Variants in ABCA7 observed in about 807,000 individuals in gnomAD.
The protein encoded by ABCA7 is phospholipid-transporting ATPase ABCA7.
In ABCA7, 261 loss-of-function variants were observed where a neutral mutation model predicts 227.6. That is an observed-to-expected ratio of 1.15 (90% confidence interval 1.04 to 1.27). The LOEUF is 1.27. Ranked by LOEUF, ABCA7 falls within the 50% of genes most tolerant of loss-of-function variation. The pLI, the probability that ABCA7 is intolerant of heterozygous loss-of-function variation, is 0.00. For missense variants in ABCA7, 3,331 were observed against 2,924.5 expected, an observed-to-expected ratio of 1.14 and a Z score of -3.21; for synonymous variants, 1,488 against 1,279.7, an observed-to-expected ratio of 1.16 and a Z score of -3.47.
At position 1,058,184 on chromosome 19, in the gene ABCA7, C is replaced by A. The variant is rs1372287065; in HGVS notation, c.5064C>A (p.Phe1688Leu). The A allele has an allele frequency of 1.9e-6, 3 of 1,613,642 alleles. No individual in the cohort carries two copies. Among genetic ancestry groups the A allele is most frequent in the Non-Finnish European group, 2.5e-6 (3 of 1,179,960 alleles). Residue 1688 changes from phenylalanine (F) to leucine (L), a missense_variant, in exon 37 of 47, where the codon TTC becomes TTA. Phe to Leu is a conservative substitution (Grantham distance 22). Coordinates refer to ENST00000263094, the MANE Select transcript of ABCA7 (RefSeq NM_019112.4). Reference protein sequence around the residue: ...QEVSRILKQVFLIFPHFCLGR... With the variant: ...QEVSRILKQVLLIFPHFCLGR... ...TGAGCCGGATCTTGAAACAGGTCTTCCTTATCTTCCCCCACTTCTGCTTGG... is the reference window on the plus strand; with the variant it reads ...TGAGCCGGATCTTGAAACAGGTCTTACTTATCTTCCCCCACTTCTGCTTGG...
chr19:1,049,936 A>G (rs35528332), intron 18 of ABCA7, among the ~76,000 whole-genome samples: 999 of 9,096 alleles, frequency 0.11, 176 homozygotes, highest in Middle Eastern at 0.38. Context: ...TTCCCCCACC[A>G]CTCCCTCCCT....
At chr19:1,045,258 TGAG>T (rs1568255012) in intron 12 of ABCA7, 27 bp downstream of exon 12, 1 of 1,269,640 alleles carries the variant, frequency 7.9e-7, no homozygotes, top group Non-Finnish European at 1.1e-6. Context: ...GGCGGGGGGA[TGAG>T]GGACTGGGCG....
chr19:1,053,629 G>A, intron 24 of ABCA7, 98 bp downstream of exon 24: 2 of 1,514,822 alleles, frequency 1.3e-6, no homozygotes, highest in Non-Finnish European at 1.8e-6. Flanking sequence ...GAGCAGCAAG[G>A]ACATTCAGGG....
At position 1,052,034 on chromosome 19, in the gene ABCA7, T is replaced by G. The variant is rs545721771; in HGVS notation, c.3055T>G (p.Cys1019Gly). The G allele has an allele frequency of 1.2e-6, 2 of 1,612,324 alleles. No homozygotes were observed. The highest frequency in any genetic ancestry group is 4.5e-5 in the East Asian group (2 of 44,860). The change falls in exon 22 of 47, where the codon TGT becomes GGT. Residue 1019 changes from cysteine to glycine, a missense_variant. Coordinates refer to ENST00000263094, the MANE Select transcript of ABCA7 (RefSeq NM_019112.4). Reference protein sequence around the residue: ...AVVAGGRLCCCGSPLFLRRHL... With the variant: ...AVVAGGRLCCGGSPLFLRRHL... ...GGTGGCAGGTGGCCGCTTGTGCTGC[T>G]GTGGCTCCCCACTCTTCCTGCGCCG...
chr19:1,047,304 T>C lies in ABCA7; in HGVS notation c.1993T>C (p.Phe665Leu), dbSNP rs769116969. 6.2e-7 allele frequency: 1 copy of C among 1,604,502 alleles called. No individual in the cohort carries two copies. The highest frequency in any genetic ancestry group is 8.5e-7 in the Non-Finnish European group (1 of 1,179,022). ...TGCGGCCTGCGGCGGCCTGGCCTAC[T>C]TCTCCCTCTACCTGCCCTACGTGCT... is the stretch of plus-strand genomic sequence containing the variant. The part of the protein sequence containing the change: ...LAAACGGLAY[F>L]SLYLPYVLCV... Residue 665 changes from phenylalanine (F) to leucine (L), a missense_variant, in exon 15 of 47, where the codon TTC becomes CTC. Physicochemically the swap from Phe to Leu is conservative, Grantham distance 22. Transcript: ENST00000263094.
At position 1,044,986 on chromosome 19, in the gene ABCA7, C is replaced by G. The variant is rs368842046; in HGVS notation, c.1216-16C>G. 14 of 1,611,268 alleles carry G rather than the reference C, an allele frequency of 8.7e-6. No individual in the cohort carries two copies. In the African/African-American group the frequency reaches 1.7e-4, roughly 20 times the overall value. ...GGCGGACCCCAGCGCCTAGGACTCA[C>G]CCCCGCATCCCACAGTGCCTGTCCT... On this transcript the variant is annotated splice_polypyrimidine_tract_variant and intron_variant, in intron 11 of 46. Transcript: ENST00000263094.
rs762778391 is a variant in ABCA7 at position 1,049,326 on chromosome 19, A to C, written c.2441A>C (p.Lys814Thr). 8 of 1,611,592 alleles carry C rather than the reference A, an allele frequency of 5.0e-6. No homozygotes were observed. The highest frequency in any genetic ancestry group is 6.8e-6 in the Non-Finnish European group (8 of 1,179,214). ...GGCGTCTCCGTTCGCAGCCTGGAGAAGCGCTTTCCTGGAAGCCCGCAGCCA... is the reference window on the plus strand; with the variant it reads ...GGCGTCTCCGTTCGCAGCCTGGAGACGCGCTTTCCTGGAAGCCCGCAGCCA... ...SPGVSVRSLEKRFPGSPQPAL... is the reference protein window; with the variant it reads ...SPGVSVRSLETRFPGSPQPAL... The change falls in exon 18 of 47, where the codon AAG becomes ACG. Residue 814 changes from lysine (K) to threonine (T), a missense_variant. By Grantham distance (78) the Lys-to-Thr change is moderately conservative. Coordinates refer to ENST00000263094, the MANE Select transcript of ABCA7 (RefSeq NM_019112.4).
At chr19:1,060,090 A>C (rs2042555497) in intron 40 of ABCA7, among the ~76,000 whole-genome samples, 1 of 152,094 alleles carries the variant, frequency 6.6e-6, no homozygotes, top group African/African-American at 2.4e-5. Flanking sequence ...GTTCACATTC[A>C]AGCACCTACT....
Position 1,056,259 on chromosome 19 carries a change from G to A in ABCA7, c.4416+16G>A, listed in dbSNP as rs369332540. On this transcript the variant is annotated intron_variant, in intron 32 of 46. Transcript: ENST00000263094. This position sits in a 1 kb window ranked among gnomAD's most constrained non-coding sequence, Gnocchi z 4.3. ...CAGTCTCAAGGTGGGAACTGGGGGG[G>A]CAGGTGGGCGTCCTGTCACAGCAAG... 3.1e-6 allele frequency: 5 copies of A among 1,589,252 alleles called. No homozygotes were observed. The highest frequency in any genetic ancestry group is 2.7e-5 in the African/African-American group (2 of 74,786).
At chr19:1,048,505 A>C (rs866824102) in intron 16 of ABCA7, among the ~76,000 whole-genome samples, 2 of 128,856 alleles carry the variant, frequency 1.6e-5, no homozygotes, top group African/African-American at 3.3e-5. Flanking sequence ...TCAAAAAAAA[A>C]AAAACAAAAA....
At chr19:1,046,089 G>T (rs1360668967) in intron 12 of ABCA7, 141 bp from the exon 13 acceptor site, 12 of 954,656 alleles carry the variant, frequency 1.3e-5, no homozygotes, top group Middle Eastern at 4.8e-4. Flanking sequence ...GGAGGTCAAG[G>T]CTGCAGTGAG....
Position 1,055,188 on chromosome 19 carries a change from A to G in ABCA7, c.4042A>G (p.Ser1348Gly). Residue 1348 changes from serine to glycine, a missense_variant, in exon 30 of 47, where the codon AGC becomes GGC. Coordinates refer to ENST00000263094, the MANE Select transcript of ABCA7 (RefSeq NM_019112.4). ...PESPSPACQC[S>G]RPGARRLLPD... ...GTCTCCATCCCCAGCCTGCCAGTGT[A>G]GCCGGCCCGGTGCCCGGCGCCTGCT... 1 of 1,612,268 alleles carries G rather than the reference A, an allele frequency of 6.2e-7. No individual in the cohort carries two copies. The highest frequency in any genetic ancestry group is 8.5e-7 in the Non-Finnish European group (1 of 1,179,624).
chr19:1,049,229 C>T (rs768775854), intron 17 of ABCA7, 37 bp from the exon 18 acceptor site: 1 of 1,561,856 alleles, frequency 6.4e-7, no homozygotes, highest in Non-Finnish European at 8.7e-7. Context: ...CCAGGACCCC[C>T]ATGACCTCCA....
At chr19:1,055,820 C>T (rs2042202601) in intron 30 of ABCA7, 87 bp from the exon 31 acceptor site, 1 of 1,360,084 alleles carries the variant, frequency 7.4e-7, no homozygotes, top group Non-Finnish European at 9.9e-7. Flanking sequence ...TGTTTTTGTC[C>T]ACCCTTGACT....
At chr19:1,062,014 C>A (rs2042687997) in intron 41 of ABCA7, 126 bp downstream of exon 41, 1 of 1,423,972 alleles carries the variant, frequency 7.0e-7, no homozygotes, top group Non-Finnish European at 9.5e-7. Context: ...TCTCTGAGAC[C>A]CCTGCACCTC....
Position 1,046,329 on chromosome 19 carries a change from C to G in ABCA7, c.1545C>G (p.Val515=). The part of the protein sequence containing the change: ...YLQDLVERAA[V]RVLSGANPRA... Reference sequence around the variant, plus strand: ...AAGACCTGGTGGAGCGTGCAGCCGTCCGCGTGCTCAGCGGCGCCAACCCCC... The same window carrying G: ...AAGACCTGGTGGAGCGTGCAGCCGTGCGCGTGCTCAGCGGCGCCAACCCCC... The change falls in exon 13 of 47, where the codon GTC becomes GTG. Residue 515 remains valine (V), a synonymous_variant. Coordinates refer to ENST00000263094, the MANE Select transcript of ABCA7 (RefSeq NM_019112.4). 1 of 1,603,152 alleles carries G rather than the reference C, an allele frequency of 6.2e-7. No individual in the cohort carries two copies. Among genetic ancestry groups the G allele is most frequent in the Non-Finnish European group, 8.5e-7 (1 of 1,178,968 alleles).
chr19:1,053,204 A>T, intron 23 of ABCA7, 125 bp from the exon 24 acceptor site: 1 of 1,032,652 alleles, frequency 9.7e-7, no homozygotes, highest in Non-Finnish European at 1.4e-6. Context: ...CACCTGGCCT[A>T]CGTTCTTAAC....
rs778375691 is a variant in ABCA7, at chr19:1,049,309, CG to C, written c.2425del (p.Val809PhefsTer46). The C allele has an allele frequency of 1.2e-6, 2 of 1,611,404 alleles. No homozygotes were observed. Among genetic ancestry groups the C allele is most frequent in the South Asian group, 2.2e-5 (2 of 91,018 alleles). On this transcript the variant is annotated frameshift_variant, in exon 18 of 47. Coordinates refer to ENST00000263094, the MANE Select transcript of ABCA7 (RefSeq NM_019112.4). LOFTEE classifies it high-confidence loss of function. ...APPGLSPGVSVRSLEKRFPGS... is the reference protein window; with the variant it reads ...APPGLSPGVSXRSLEKRFPGS... Reference sequence around the variant, plus strand: ...CGCCCGGCCTGAGTCCTGGCGTCTCCGTTCGCAGCCTGGAGAAGCGCTTTCC... The same window carrying C: ...CGCCCGGCCTGAGTCCTGGCGTCTCCTTCGCAGCCTGGAGAAGCGCTTTCC...
At chr19:1,053,694 TG>T in intron 24 of ABCA7, 93 bp from the exon 25 acceptor site, 2 of 1,542,814 alleles carry the variant, frequency 1.3e-6, no homozygotes. Context: ...TGGGAAGGCC[TG>T]GGGGACCCAT....
Sources: allele counts gnomAD v4.1 joint callset (sites outside exome capture counted in the v4.1 genomes callset), GRCh38; gene constraint gnomAD v4.1.1; non-coding constraint Gnocchi (gnomAD v3.1); transcripts MANE v1.5; gene names NCBI Gene and HGNC (gene_info 2026-07-23, HGNC 2026-07-21).